The following WDR12 variants were observed in gnomAD, a reference collection of about 807,000 sequenced individuals.
The protein encoded by WDR12 is WD repeat domain 12.
Under a neutral mutation model 64.3 loss-of-function variants are expected in WDR12, and 42 were observed. The observed-to-expected ratio is 0.65, with a 90% CI of 0.51 to 0.84. The LOEUF is 0.84. WDR12 is among the 40% of genes least tolerant of loss of function. The probability of loss-of-function intolerance (pLI) is 0.00; values close to 1 mark genes in which losing one functional copy is unlikely to be tolerated. For synonymous variants in WDR12, 158 were observed against 173.3 expected, an observed-to-expected ratio of 0.91 and a Z score of 0.70; for missense variants, 469 against 494.6, an observed-to-expected ratio of 0.95 and a Z score of 0.49.
At chr2:202,890,376 G>A (rs1688133367) in intron 8 of WDR12, among the ~76,000 whole-genome samples, 1 of 152,206 alleles carries the variant, frequency 6.6e-6, no homozygotes, top group South Asian at 2.1e-4. Context: ...CCTTTAGGGA[G>A]CTACTGGTTG....
In WDR12 at chr2:202,884,887, A is replaced by T. The variant is rs118184971; in HGVS notation, c.742-352T>A. On this transcript the variant is annotated intron_variant, in intron 8 of 12. Transcript: ENST00000261015. ...CACAAACTTAACTCTCCCAGCTGAC[A>T]AATGTTATATTAAAGATTAGTGCTG... 1.5e-4 allele frequency among the ~76,000 whole-genome samples: 23 copies of T among 152,350 alleles called. No individual in the cohort carries two copies. In the East Asian group the frequency reaches 3.3e-3, roughly 22 times the overall value.
intron 2 of WDR12, among the ~76,000 whole-genome samples, chr2:202,906,555 C>T (rs1165635498): frequency 6.6e-6 from 1 of 152,196 alleles, no homozygotes; most frequent in Non-Finnish European, 1.5e-5. Flanking sequence ...GCATTGGAAA[C>T]ATCTGCATAA....
At position 202,907,873 on chromosome 2, in the gene WDR12, T is replaced by A; in HGVS notation, c.128A>T (p.Asp43Val). ...LSNIINKLLK[D>V]KNEFHKHVEF... Reference sequence around the variant, plus strand: ...TAAGCATATATACCCACCATTTTTGTCCTTTAGTAGTTTATTGATGATGTT... The same window carrying A: ...TAAGCATATATACCCACCATTTTTGACCTTTAGTAGTTTATTGATGATGTT... The change falls in exon 2 of 13, where the codon GAC (aspartate) becomes GTC (valine). Residue 43 changes from aspartate to valine, a missense_variant. Physicochemically the swap from Asp to Val is radical, Grantham distance 152. Coordinates refer to ENST00000261015, the MANE Select transcript of WDR12 (RefSeq NM_018256.4). 6.2e-7 allele frequency: 1 copy of A among 1,613,150 alleles called. No individual in the cohort carries two copies. Among genetic ancestry groups the A allele is most frequent in the South Asian group, 1.1e-5 (1 of 91,064 alleles).
At position 202,903,338 on chromosome 2, in the gene WDR12, G is replaced by C. The variant is rs183303532; in HGVS notation, c.137-2219C>G. Among the ~76,000 whole-genome samples the C allele has an allele frequency of 3.2e-3, 485 of 152,078 alleles. 5 individuals are homozygous for C. Among genetic ancestry groups the C allele is most frequent in the African/African-American group, 0.011 (464 of 41,476 alleles). On this transcript the variant is annotated intron_variant, in intron 2 of 12. Coordinates refer to ENST00000261015, the MANE Select transcript of WDR12 (RefSeq NM_018256.4). ...ATATAATAGACCCCCATACTAAATG[G>C]GGAAAAAACTGAAAGCCTTTCCTCT...
At chr2:202,903,033 C>T (rs1269886298) in intron 2 of WDR12, among the ~76,000 whole-genome samples, 6 of 151,974 alleles carry the variant, frequency 3.9e-5, no homozygotes, top group African/African-American at 9.7e-5. Flanking sequence ...GAGCCGAGAT[C>T]GTGCCACTGC....
At chr2:202,894,552 A>G (rs777495944) in intron 7 of WDR12, 29 bp downstream of exon 7, 2 of 1,575,966 alleles carry the variant, frequency 1.3e-6, no homozygotes, top group African/African-American at 2.7e-5. Context: ...AACATTATTA[A>G]GTCAAGGTAA....
intron 8 of WDR12, among the ~76,000 whole-genome samples, chr2:202,892,384 C>T (rs1688170748): frequency 6.6e-6 from 1 of 152,126 alleles, no homozygotes; most frequent in South Asian, 2.1e-4. Flanking sequence ...AAATCATCAA[C>T]CTAGCAACCA....
intron 4 of WDR12, among the ~76,000 whole-genome samples, chr2:202,899,031 G>GGTTTT (rs1559162594): frequency 3.3e-5 from 4 of 121,908 alleles, no homozygotes; most frequent in African/African-American, 1.3e-4. Context: ...AAATACCTGT[G>GGTTTT]GTTTTTTTTT....
chr2:202,874,480 T>A lies in WDR12; in HGVS notation c.*6380A>T, dbSNP rs1687823534. Among the ~76,000 whole-genome samples, 1 of 152,170 alleles carries A rather than the reference T, an allele frequency of 6.6e-6. No individual in the cohort carries two copies. Among genetic ancestry groups the A allele is most frequent in the Admixed American group, 6.5e-5 (1 of 15,276 alleles). On this transcript the variant is annotated 3_prime_UTR_variant, in exon 13 of 13. Coordinates refer to ENST00000261015, the MANE Select transcript of WDR12 (RefSeq NM_018256.4). The stretch of plus-strand genomic sequence containing the variant: ...TCTTAGTTTCTTTAAAGACTAATGG[T>A]CTTCACTTTTGTTTTTGTGCAAACC...
At chr2:202,902,099 T>C (rs1688358344) in intron 2 of WDR12, among the ~76,000 whole-genome samples, 1 of 152,210 alleles carries the variant, frequency 6.6e-6, no homozygotes, top group Admixed American at 6.5e-5. Context: ...AGTTGCAATA[T>C]GGTAACAGTC....
chr2:202,905,197 G>A (rs1688431547), intron 2 of WDR12, among the ~76,000 whole-genome samples: 1 of 152,220 alleles, frequency 6.6e-6, no homozygotes, highest in Non-Finnish European at 1.5e-5. Flanking sequence ...CCAGGTTGGA[G>A]TGCAGTGGCA....
chr2:202,894,535 T>C, intron 7 of WDR12, 46 bp downstream of exon 7: 1 of 1,533,792 alleles, frequency 6.5e-7, no homozygotes, highest in East Asian at 2.3e-5. Flanking sequence ...ATTTAAATTT[T>C]TGAAACAACA....
intron 8 of WDR12, among the ~76,000 whole-genome samples, chr2:202,887,667 T>C (rs895007292): frequency 9.2e-5 from 14 of 151,432 alleles, no homozygotes; most frequent in African/African-American, 3.4e-4. Context: ...GGCGGGTGGA[T>C]CATGAGGTCA....
chr2:202,895,167 C>T (rs1688216025), intron 6 of WDR12, among the ~76,000 whole-genome samples: 1 of 152,148 alleles, frequency 6.6e-6, no homozygotes, highest in Admixed American at 6.6e-5. Flanking sequence ...TCCTGTTACC[C>T]TAACTGTCAA....
At chr2:202,883,766 G>A (rs1385664198) in intron 10 of WDR12, 25 bp from the exon 11 acceptor site, 15 of 1,599,946 alleles carry the variant, frequency 9.4e-6, no homozygotes, top group Non-Finnish European at 1.3e-5. Flanking sequence ...AAAGACAAGC[G>A]TTGAATTTTA....
rs1020179193 is a variant in WDR12, at chr2:202,892,562, T to C, written c.741+55A>G. ...CAAAAAAGACCATATTAAATTACCA[T>C]CTATTTGTCAACACAGGCCTAAGGC... On this transcript the variant is annotated intron_variant, in intron 8 of 12. Coordinates refer to ENST00000261015, the MANE Select transcript of WDR12 (RefSeq NM_018256.4). 11 of 1,202,276 alleles carry C rather than the reference T, an allele frequency of 9.1e-6. No homozygotes were observed. The East Asian group carries it at 2.2e-4, about 24-fold the overall frequency. The allele number at this position is 1,202,276 out of a possible 1,614,324, so 74.5% of individuals were successfully genotyped here. A position where few individuals can be genotyped will look rare whatever the true frequency, so the allele number is the denominator to read the frequency against.
chr2:202,894,754 C>T, intron 6 of WDR12, 128 bp from the exon 7 acceptor site: 1 of 707,112 alleles, frequency 1.4e-6, no homozygotes, highest in Non-Finnish European at 2.2e-6. Context: ...TGAAATTAGC[C>T]TTTTTCCAGG....
rs747422275 is a variant in WDR12, at chr2:202,901,047, A to T, written c.209T>A (p.Met70Lys). 1 of 1,593,412 alleles carries T rather than the reference A, an allele frequency of 6.3e-7. No individual in the cohort carries two copies. The highest frequency in any genetic ancestry group is 8.6e-7 in the Non-Finnish European group (1 of 1,165,776). ...QFLRMPLDKHMEMENISSEEV... is the reference protein window; with the variant it reads ...QFLRMPLDKHKEMENISSEEV... ...TACTGATGAGATGTTCTCCATTTCCATGTGTTTGTCCAAGGGCATTCGCAG... is the reference window on the plus strand; with the variant it reads ...TACTGATGAGATGTTCTCCATTTCCTTGTGTTTGTCCAAGGGCATTCGCAG... Residue 70 changes from methionine (M) to lysine (K), a missense_variant, in exon 3 of 13, where the codon ATG (methionine) becomes AAG (lysine). Coordinates refer to ENST00000261015, the MANE Select transcript of WDR12 (RefSeq NM_018256.4).
chr2:202,882,624 G>A lies in WDR12; in HGVS notation c.1194+87C>T, dbSNP rs556328976. On this transcript the variant is annotated intron_variant, in intron 12 of 12. Transcript: ENST00000261015. ...ATTACAGGCGTGAGCCACTGCACCC[G>A]GCCCGAAACTAATACATTTTATAAA... 318 of 1,403,630 alleles carry A rather than the reference G, an allele frequency of 2.3e-4. 1 individual carries two copies. The East Asian group carries it at 2.9e-3, about 13-fold the overall frequency. The allele number at this position is 1,403,630 out of a possible 1,614,324, so 86.9% of individuals were successfully genotyped here. A position where few individuals can be genotyped will look rare whatever the true frequency, so the allele number is the denominator to read the frequency against.
Sources: gnomAD v4.1 joint callset for allele counts (sites outside exome capture counted in the v4.1 genomes callset) on GRCh38, gnomAD v4.1.1 for gene constraint, MANE v1.5 for transcripts, NCBI Gene and HGNC (gene_info 2026-07-23, HGNC 2026-07-21) for gene names.